The following ANO10 variants were observed in gnomAD, a reference collection of about 807,000 sequenced individuals.
ANO10 encodes the protein anoctamin-10.
ANO10 carries 77 observed loss-of-function variants against 74.7 expected under a neutral mutation model. The ratio of observed to expected loss-of-function variants is 1.03; its 90% CI spans 0.86 to 1.25. The LOEUF is 1.25. Among genes scored for constraint, ANO10 ranks in the 50% most tolerant of loss-of-function variants. The pLI is 0.00. For synonymous variants in ANO10, 279 were observed against 284.9 expected (o/e 0.98, Z 0.21); for missense variants, 721 against 778.1 (o/e 0.93, Z 0.87).
intron 10 of ANO10, among the ~76,000 whole-genome samples, chr3:43,554,269 C>T (rs2079628241): frequency 6.6e-6 from 1 of 150,976 alleles, no homozygotes; most frequent in Non-Finnish European, 1.5e-5. Context: ...TCTCAGCTCA[C>T]TGCAATCTCT....
intron 12 of ANO10, among the ~76,000 whole-genome samples, chr3:43,411,516 G>A (rs2092664964): frequency 6.6e-6 from 1 of 152,160 alleles, no homozygotes. Context: ...GCTCAATTCT[G>A]AATAGACACT....
intron 12 of ANO10, chr3:43,372,680 T>C: frequency 3.2e-6 from 2 of 620,582 alleles, no homozygotes; most frequent in Non-Finnish European, 5.8e-6. Context: ...CCATCTGGTT[T>C]ATTCATTGTT....
intron 1 of ANO10, among the ~76,000 whole-genome samples, chr3:43,681,882 G>C (rs1407550181): frequency 1.3e-5 from 2 of 152,186 alleles, no homozygotes; most frequent in African/African-American, 4.8e-5. Context: ...TGAAACCAAT[G>C]AGAACAAAGA....
At chr3:43,374,050 C>A (rs1331811971) in intron 12 of ANO10, among the ~76,000 whole-genome samples, 1 of 152,196 alleles carries the variant, frequency 6.6e-6, no homozygotes, top group Admixed American at 6.5e-5. Context: ...TTCTGCAGAA[C>A]CCCCAGGCTT....
chr3:43,605,569 T>C, intron 2 of ANO10, 145 bp downstream of exon 2: 1 of 1,128,342 alleles, frequency 8.9e-7, no homozygotes, highest in Non-Finnish European at 1.3e-6. Flanking sequence ...AGGCAAAAAA[T>C]TTAACATTAG....
chr3:43,501,569 AG>A (rs147229293), intron 11 of ANO10, among the ~76,000 whole-genome samples: 7,343 of 152,276 alleles, frequency 0.048, 199 homozygotes, highest in Non-Finnish European at 0.059. Context: ...CTTAGTAGAG[AG>A]GCAGAGGAAA....
At chr3:43,678,544 T>A (rs966165166) in intron 1 of ANO10, among the ~76,000 whole-genome samples, 1 of 152,172 alleles carries the variant, frequency 6.6e-6, no homozygotes. Context: ...TGATTACCGG[T>A]GCATGCAGCC....
intron 1 of ANO10, chr3:43,636,651 C>T (rs192296342): frequency 2.0e-5 from 3 of 152,302 alleles, no homozygotes; most frequent in Non-Finnish European, 4.4e-5. Flanking sequence ...AATAATTATA[C>T]ACAATGAATT....
intron 1 of ANO10, among the ~76,000 whole-genome samples, chr3:43,672,989 G>GTA (rs2084078449): frequency 6.6e-6 from 1 of 152,176 alleles, no homozygotes; most frequent in African/African-American, 2.4e-5. Context: ...CTCTAGCCAT[G>GTA]TAGGTAAACA....
chr3:43,478,247 T>C (rs2076147983), intron 11 of ANO10, among the ~76,000 whole-genome samples: 1 of 152,162 alleles, frequency 6.6e-6, no homozygotes, highest in Non-Finnish European at 1.5e-5. Context: ...CCTTAAAATG[T>C]CCTTGTCAAA....
chr3:43,434,300 G>A (rs1396365844), intron 11 of ANO10, among the ~76,000 whole-genome samples: 1 of 152,120 alleles, frequency 6.6e-6, no homozygotes, highest in Non-Finnish European at 1.5e-5. Context: ...AATACAGCAT[G>A]GACCAGATGA....
intron 11 of ANO10, among the ~76,000 whole-genome samples, chr3:43,525,131 C>A (rs958063040): frequency 2.0e-5 from 3 of 152,158 alleles, no homozygotes; most frequent in African/African-American, 7.2e-5. Flanking sequence ...CTGCCCAGGG[C>A]TCTTAAGTGA....
intron 12 of ANO10, among the ~76,000 whole-genome samples, chr3:43,412,775 G>C (rs898400152): frequency 6.6e-6 from 1 of 152,196 alleles, no homozygotes; most frequent in African/African-American, 2.4e-5. Flanking sequence ...ATGTGGCTGG[G>C]CACCGTGGCT....
intron 12 of ANO10, among the ~76,000 whole-genome samples, chr3:43,426,717 A>G (rs1475354257): frequency 6.6e-6 from 1 of 152,222 alleles, no homozygotes; most frequent in East Asian, 1.9e-4. Flanking sequence ...TGAATAAATC[A>G]ATTTGAAGAG....
At chr3:43,654,471 C>G (rs914979864) in intron 1 of ANO10, among the ~76,000 whole-genome samples, 4 of 152,078 alleles carry the variant, frequency 2.6e-5, no homozygotes, top group African/African-American at 9.7e-5. Flanking sequence ...TTACCTACAT[C>G]AGAAAATGTT....
At chr3:43,683,443 T>C (rs1047177537) in intron 1 of ANO10, among the ~76,000 whole-genome samples, 1 of 152,094 alleles carries the variant, frequency 6.6e-6, no homozygotes, top group South Asian at 2.1e-4. Context: ...TACAAACAAA[T>C]GGAAGAACAT....
chr3:43,688,931 C>G (rs545059702), intron 1 of ANO10, among the ~76,000 whole-genome samples: 5 of 152,004 alleles, frequency 3.3e-5, no homozygotes, highest in African/African-American at 1.2e-4. Flanking sequence ...TATACAGGTG[C>G]TGGTATCAGC....
intron 11 of ANO10, among the ~76,000 whole-genome samples, chr3:43,453,163 T>A (rs1002856469): frequency 1.3e-5 from 2 of 149,860 alleles, no homozygotes; most frequent in African/African-American, 4.9e-5. Context: ...GAAGCCCAGT[T>A]TATCTTCTTT....
intron 1 of ANO10, chr3:43,690,794 T>C (rs945159526): frequency 3.5e-5 from 16 of 460,698 alleles, no homozygotes; most frequent in East Asian, 2.6e-4. Context: ...TAGTGCATGC[T>C]GGCTGGGGAT....
Sources: gnomAD v4.1 joint callset for allele counts (sites outside exome capture counted in the v4.1 genomes callset) on GRCh38, gnomAD v4.1.1 for gene constraint, MANE v1.5 for transcripts, NCBI Gene and HGNC (gene_info 2026-07-23, HGNC 2026-07-21) for gene names.